Variants in NDUFS4 observed in about 807,000 individuals in gnomAD.
The protein encoded by NDUFS4 is NADH:ubiquinone oxidoreductase subunit S4.
In NDUFS4, 28 loss-of-function variants were observed where a neutral mutation model predicts 24.3. The observed-to-expected ratio is 1.15, with a 90% confidence interval of 0.85 to 1.58. The LOEUF (loss-of-function observed/expected upper bound fraction) is 1.58. Among genes scored for constraint, NDUFS4 ranks in the 40% most tolerant of loss-of-function variants. The pLI is 0.00. For missense variants in NDUFS4, 223 were observed against 207.9 expected (o/e 1.07, Z -0.45); for synonymous variants, 93 against 69.7 (o/e 1.34, Z -1.67).
intron 2 of NDUFS4, among the ~76,000 whole-genome samples, chr5:53,612,998 G>A (rs1379828351): frequency 2.0e-5 from 3 of 151,978 alleles, no homozygotes; most frequent in Non-Finnish European, 2.9e-5. Flanking sequence ...ACTTATATAA[G>A]TCTGCAAACT....
chr5:53,678,811 T>G (rs1873426), intron 4 of NDUFS4, among the ~76,000 whole-genome samples: 39,251 of 152,112 alleles, frequency 0.26, 6,740 homozygotes, highest in African/African-American at 0.47. Context: ...TTCGTCTAAC[T>G]TACCCATTCT....
intron 1 of NDUFS4, among the ~76,000 whole-genome samples, chr5:53,598,790 G>A (rs1750214839): frequency 6.6e-6 from 1 of 152,100 alleles, no homozygotes; most frequent in South Asian, 2.1e-4. Context: ...TTCATTTTCA[G>A]GATATCTCTT....
intron 2 of NDUFS4, among the ~76,000 whole-genome samples, chr5:53,607,524 C>G (rs1750560988): frequency 6.6e-6 from 1 of 152,036 alleles, no homozygotes; most frequent in African/African-American, 2.4e-5. Context: ...GGTAATGACA[C>G]TAACGGATGT....
At chr5:53,632,842 C>G (rs1204425777) in intron 2 of NDUFS4, among the ~76,000 whole-genome samples, 2 of 152,146 alleles carry the variant, frequency 1.3e-5, no homozygotes, top group Admixed American at 1.3e-4. Context: ...GCAGCAGGAT[C>G]CATATACTAC....
At chr5:53,601,763 C>G (rs377222095) in intron 1 of NDUFS4, among the ~76,000 whole-genome samples, 151 of 152,292 alleles carry the variant, frequency 9.9e-4, no homozygotes, top group African/African-American at 3.5e-3. Flanking sequence ...GGATGTGAAT[C>G]ATCCCTTTGT....
chr5:53,679,682 C>T (rs922887552), intron 4 of NDUFS4, among the ~76,000 whole-genome samples: 2 of 152,220 alleles, frequency 1.3e-5, no homozygotes, highest in Middle Eastern at 3.4e-3. Context: ...GAGTGATTAT[C>T]AGGTTTGTGT....
intron 1 of NDUFS4, among the ~76,000 whole-genome samples, chr5:53,600,307 T>A (rs573830894): frequency 6.6e-6 from 1 of 150,998 alleles, no homozygotes; most frequent in Admixed American, 6.6e-5. Flanking sequence ...CCTATTTTTA[T>A]TTTTTGTTTA....
At chr5:53,636,217 G>A (rs1751547342) in intron 2 of NDUFS4, among the ~76,000 whole-genome samples, 1 of 152,156 alleles carries the variant, frequency 6.6e-6, no homozygotes, top group South Asian at 2.1e-4. Flanking sequence ...TTTACAGGCA[G>A]TGGCAGTCTG....
intron 2 of NDUFS4, among the ~76,000 whole-genome samples, chr5:53,610,523 T>C (rs1472591965): frequency 6.6e-6 from 1 of 151,046 alleles, no homozygotes; most frequent in Non-Finnish European, 1.5e-5. Flanking sequence ...AATCCTTAAA[T>C]TTGAAAAAAC....
chr5:53,628,389 G>T (rs1751295049), intron 2 of NDUFS4, among the ~76,000 whole-genome samples: 1 of 152,166 alleles, frequency 6.6e-6, no homozygotes, highest in Non-Finnish European at 1.5e-5. Context: ...GATGATACTG[G>T]CCTCATAAAG....
At chr5:53,571,785 T>C (rs2112415093) in intron 1 of NDUFS4, among the ~76,000 whole-genome samples, 1 of 152,348 alleles carries the variant, frequency 6.6e-6, no homozygotes, top group South Asian at 2.1e-4. Context: ...GGCTAACTCA[T>C]TGTGGTTTTA....
At chr5:53,664,392 G>A (rs75740367) in intron 4 of NDUFS4, among the ~76,000 whole-genome samples, 14,888 of 152,044 alleles carry the variant, frequency 0.098, 1,032 homozygotes, top group Admixed American at 0.21. Context: ...TGCTAGATTG[G>A]GGAAGTTCTC....
chr5:53,650,305 A>G (rs1353440426), intron 3 of NDUFS4, among the ~76,000 whole-genome samples: 3 of 152,208 alleles, frequency 2.0e-5, no homozygotes, highest in Non-Finnish European at 1.5e-5. Flanking sequence ...CCTCACATCT[A>G]TTGCAAGGTT....
intron 1 of NDUFS4, among the ~76,000 whole-genome samples, chr5:53,602,442 C>T (rs566527188): frequency 4.6e-5 from 7 of 152,120 alleles, no homozygotes; most frequent in Non-Finnish European, 1.0e-4. Flanking sequence ...ATTCATAAAG[C>T]AGTAAAACCT....
At chr5:53,604,869 G>A (rs993026719) in intron 2 of NDUFS4, 8 of 456,024 alleles carry the variant, frequency 1.8e-5, no homozygotes, top group African/African-American at 1.4e-4. Flanking sequence ...GACTTCATCC[G>A]GTCACCATCT....
intron 2 of NDUFS4, among the ~76,000 whole-genome samples, chr5:53,603,817 T>C (rs564995603): frequency 8.5e-4 from 129 of 152,262 alleles, no homozygotes; most frequent in African/African-American, 3.0e-3. Flanking sequence ...TTGTAATGAA[T>C]GTTTTGCTTT....
At chr5:53,573,046 T>G (rs942487073) in intron 1 of NDUFS4, among the ~76,000 whole-genome samples, 27 of 149,546 alleles carry the variant, frequency 1.8e-4, no homozygotes, top group Non-Finnish European at 2.4e-4. Context: ...AATGGCTTAC[T>G]GCAGCCTTGA....
rs1227129634 is a variant in NDUFS4 at position 53,675,273 on chromosome 5, C to CA, written c.425-7844dup. Reference sequence around the variant, plus strand: ...TGCCTCCCGGGTTCATGCCATTCTCCAGCCTCAGCCTCCCGAGGAGCTGGG... The same window carrying CA: ...TGCCTCCCGGGTTCATGCCATTCTCCAAGCCTCAGCCTCCCGAGGAGCTGGG... On this transcript the variant is annotated intron_variant, in intron 4 of 4. Transcript: ENST00000296684. Among the ~76,000 whole-genome samples the CA allele has an allele frequency of 3.3e-5, 5 of 151,274 alleles. No individual in the cohort carries two copies. The East Asian group carries it at 9.9e-4, about 30-fold the overall frequency.
intron 2 of NDUFS4, among the ~76,000 whole-genome samples, chr5:53,633,932 A>G (rs1028170176): frequency 6.6e-6 from 1 of 152,218 alleles, no homozygotes; most frequent in African/African-American, 2.4e-5. Context: ...TTGATGGTTT[A>G]TGGAAAAAAC....
Sources: allele counts gnomAD v4.1 joint callset (sites outside exome capture counted in the v4.1 genomes callset), GRCh38; gene constraint gnomAD v4.1.1; transcripts MANE v1.5; gene names NCBI Gene and HGNC (gene_info 2026-07-23, HGNC 2026-07-21).